The following NRXN1 variants were observed in gnomAD, a reference collection of about 807,000 sequenced individuals.
The protein encoded by NRXN1 is neurexin-1.
A neutral mutation model predicts 150.9 loss-of-function variants in NRXN1; 39 were observed. The ratio of observed to expected loss-of-function variants is 0.26; its 90% confidence interval spans 0.20 to 0.34. The LOEUF (loss-of-function observed/expected upper bound fraction) is 0.34, where lower values mean the gene tolerates loss of function less well. Ranked by LOEUF, NRXN1 falls within the 10% of genes least tolerant of loss-of-function variation. The pLI, the probability that NRXN1 is intolerant of heterozygous loss-of-function variation, is 1.00. For synonymous variants in NRXN1, 924 were observed against 757.0 expected (o/e 1.22, Z -3.62); for missense variants, 1,815 against 1,949.9 (o/e 0.93, Z 1.30).
At chr2:50,723,763 G>A (rs940913619) in intron 5 of NRXN1, among the ~76,000 whole-genome samples, 5 of 152,186 alleles carry the variant, frequency 3.3e-5, no homozygotes, top group African/African-American at 1.2e-4. Context: ...GGTACCAACA[G>A]GAGACTCAGT....
At chr2:50,216,713 T>C (rs1341992221) in intron 18 of NRXN1, among the ~76,000 whole-genome samples, 1 of 151,990 alleles carries the variant, frequency 6.6e-6, no homozygotes, top group Non-Finnish European at 1.5e-5. Context: ...ACTACACTAA[T>C]TTTCTGCATA....
At chr2:50,223,786 T>C (rs142891438) in intron 18 of NRXN1, among the ~76,000 whole-genome samples, 111 of 151,998 alleles carry the variant, frequency 7.3e-4, no homozygotes, top group African/African-American at 2.5e-3. Context: ...TGCCTTTAGT[T>C]TGGGGTGCGG....
chr2:50,990,786 A>G (rs1259428374), intron 2 of NRXN1, among the ~76,000 whole-genome samples: 1 of 151,960 alleles, frequency 6.6e-6, no homozygotes, highest in Non-Finnish European at 1.5e-5. Flanking sequence ...CATGGCTCAC[A>G]TGCTGGCCAA....
At chr2:50,162,687 A>G (rs2059433819) in intron 18 of NRXN1, among the ~76,000 whole-genome samples, 1 of 152,148 alleles carries the variant, frequency 6.6e-6, no homozygotes, top group Non-Finnish European at 1.5e-5. Flanking sequence ...TTTCACAAGA[A>G]CATTTTTATA....
At chr2:50,046,052 C>T (rs1052760614) in intron 21 of NRXN1, among the ~76,000 whole-genome samples, 3 of 152,184 alleles carry the variant, frequency 2.0e-5, no homozygotes, top group Non-Finnish European at 4.4e-5. Context: ...CAGTATCACA[C>T]CATGAATTAC....
intron 5 of NRXN1, among the ~76,000 whole-genome samples, chr2:50,861,514 T>C (rs1676126261): frequency 6.6e-6 from 1 of 152,132 alleles, no homozygotes. Context: ...CTGATTCGTA[T>C]AACCACCCCC....
chr2:50,269,262 G>C (rs2069269602), intron 17 of NRXN1, among the ~76,000 whole-genome samples: 1 of 152,116 alleles, frequency 6.6e-6, no homozygotes, highest in Non-Finnish European at 1.5e-5. Flanking sequence ...AGGCAACTTG[G>C]TGTTATTTCT....
chr2:50,967,538 C>G (rs1402175867), intron 2 of NRXN1, among the ~76,000 whole-genome samples: 1 of 151,820 alleles, frequency 6.6e-6, no homozygotes, highest in African/African-American at 2.4e-5. Context: ...TTCTGGAAAA[C>G]TGGAAGAATA....
chr2:50,519,268 G>A (rs936247772), intron 12 of NRXN1, among the ~76,000 whole-genome samples: 5 of 151,966 alleles, frequency 3.3e-5, no homozygotes, highest in Non-Finnish European at 5.9e-5. Context: ...AGATTTTAAT[G>A]ACAGTGCTAA....
intron 2 of NRXN1, among the ~76,000 whole-genome samples, chr2:51,005,656 A>T (rs1307686145): frequency 6.6e-6 from 1 of 151,966 alleles, no homozygotes; most frequent in Non-Finnish European, 1.5e-5. Context: ...AGAAAAAGGA[A>T]TAAAATCTTA....
At chr2:50,230,913 C>T (rs1018705056) in intron 18 of NRXN1, among the ~76,000 whole-genome samples, 17 of 152,060 alleles carry the variant, frequency 1.1e-4, no homozygotes, top group African/African-American at 3.4e-4. Flanking sequence ...ATGACTTTTA[C>T]ACCTCAGAAG....
intron 5 of NRXN1, among the ~76,000 whole-genome samples, chr2:50,902,149 G>T (rs549609239): frequency 4.6e-5 from 7 of 152,040 alleles, no homozygotes; most frequent in Non-Finnish European, 1.0e-4. Context: ...TAGATGATGA[G>T]GAGTCTGAAA....
At chr2:50,941,717 G>A (rs764490924) in intron 2 of NRXN1, among the ~76,000 whole-genome samples, 16 of 152,194 alleles carry the variant, frequency 1.1e-4, no homozygotes, top group East Asian at 1.9e-4. Flanking sequence ...AGTCACATAC[G>A]TTCACAAACA....
chr2:50,792,172 T>C (rs540534569), intron 5 of NRXN1, among the ~76,000 whole-genome samples: 1 of 152,280 alleles, frequency 6.6e-6, no homozygotes, highest in South Asian at 2.1e-4. Context: ...TGGATATTTA[T>C]GTAAAGCTAG....
At chr2:50,146,229 G>A (rs1327232318) in intron 18 of NRXN1, among the ~76,000 whole-genome samples, 1 of 151,618 alleles carries the variant, frequency 6.6e-6, no homozygotes, top group Non-Finnish European at 1.5e-5. Flanking sequence ...CTAAATTGGT[G>A]GGAGTCTAAA....
At chr2:50,012,284 A>G (rs886292274) in intron 21 of NRXN1, among the ~76,000 whole-genome samples, 1 of 152,166 alleles carries the variant, frequency 6.6e-6, no homozygotes, top group African/African-American at 2.4e-5. Flanking sequence ...CCATCTTGAG[A>G]TAATACTATT....
Position 50,236,963 on chromosome 2 carries a change from C to A in NRXN1, c.3372G>T (p.Thr1124=), listed in dbSNP as rs200769389. Reference sequence around the variant, plus strand: ...CACCACCTTTGCTAAAGATATATGTCGTCCCAGCTGGAAAACAAAAACCAA... The same window carrying A: ...CACCACCTTTGCTAAAGATATATGTAGTCCCAGCTGGAAAACAAAAACCAA... ...FSGPLCNDPG[T]TYIFSKGGGQ... Residue 1124 remains threonine (T), a synonymous_variant, in exon 18 of 23, where the codon ACG becomes ACT. Transcript: ENST00000401669. 1.9e-6 allele frequency: 3 copies of A among 1,612,762 alleles called. No individual in the cohort carries two copies. The South Asian group carries it at 3.3e-5, about 18-fold the overall frequency.
intron 17 of NRXN1, among the ~76,000 whole-genome samples, chr2:50,430,111 TTCAATG>T (rs2084840258): frequency 6.6e-6 from 1 of 152,318 alleles, no homozygotes; most frequent in South Asian, 2.1e-4. Flanking sequence ...CATTGTTCTA[TTCAATG>T]CCTTGGATTT....
intron 17 of NRXN1, among the ~76,000 whole-genome samples, chr2:50,434,609 G>A (rs921158271): frequency 5.3e-5 from 8 of 152,106 alleles, no homozygotes; most frequent in Non-Finnish European, 7.3e-5. Context: ...GAAATGGGAA[G>A]GTCATCTTTA....
Sources: gnomAD v4.1 joint callset for allele counts (sites outside exome capture counted in the v4.1 genomes callset) on GRCh38, gnomAD v4.1.1 for gene constraint, MANE v1.5 for transcripts, NCBI Gene and HGNC (gene_info 2026-07-23, HGNC 2026-07-21) for gene names.